AFG2A: variants seen among roughly 807,000 people sequenced by gnomAD.
AFG2A encodes the protein AAA ATPase AFG2A.
chr4:123,248,806 T>C, the AFG2A span, among the ~76,000 whole-genome samples: 1 of 152,220 alleles, frequency 6.6e-6, no homozygotes, highest in Non-Finnish European at 1.5e-5. Flanking sequence ...CATTGTTCCA[T>C]TTATTCAAAG....
chr4:122,946,214 A>T, the AFG2A span, among the ~76,000 whole-genome samples: 6 of 152,366 alleles, frequency 3.9e-5, 1 homozygote, highest in South Asian at 8.3e-4. Context: ...GATGGCAAAT[A>T]TAGAGAGCTG....
At chr4:122,978,895 C>A in the AFG2A span, among the ~76,000 whole-genome samples, 22 of 152,176 alleles carry the variant, frequency 1.4e-4, 1 homozygote, top group Admixed American at 1.4e-3. Flanking sequence ...TGGGGAGAGG[C>A]CAGGCAGTAG....
At chr4:122,934,253 A>C in the AFG2A span, 3 of 1,614,214 alleles carry the variant, frequency 1.9e-6, no homozygotes, top group South Asian at 3.3e-5. Context: ...GCCTTTGAAC[A>C]GTCCAGCATG....
the AFG2A span, among the ~76,000 whole-genome samples, chr4:123,026,620 T>G: frequency 4.6e-5 from 7 of 152,238 alleles, no homozygotes; most frequent in South Asian, 4.1e-4. Context: ...AAATTTGTAC[T>G]GTACTTATGT....
the AFG2A span, chr4:123,314,671 T>C: frequency 6.6e-6 from 1 of 152,114 alleles, no homozygotes; most frequent in Non-Finnish European, 1.5e-5. Flanking sequence ...TTGAGAGATA[T>C]TTTGTATAAT....
At chr4:122,925,176 A>C in the AFG2A span, among the ~76,000 whole-genome samples, 8,131 of 152,176 alleles carry the variant, frequency 0.053, 520 homozygotes, top group African/African-American at 0.16. Context: ...CCACCACTAA[A>C]TCATGTTTAT....
chr4:123,216,113 A>G, the AFG2A span, among the ~76,000 whole-genome samples: 2 of 152,156 alleles, frequency 1.3e-5, no homozygotes, highest in African/African-American at 4.8e-5. Flanking sequence ...CCAGAATTTT[A>G]TATCTCAAGA....
the AFG2A span, among the ~76,000 whole-genome samples, chr4:122,972,876 A>G: frequency 6.6e-6 from 1 of 152,086 alleles, no homozygotes. Flanking sequence ...GTATGCTGGA[A>G]AACAGAGTTA....
At chr4:123,123,628 C>T in the AFG2A span, among the ~76,000 whole-genome samples, 1 of 151,986 alleles carries the variant, frequency 6.6e-6, no homozygotes, top group Non-Finnish European at 1.5e-5. Flanking sequence ...TATCATCTCA[C>T]ACCAGTTAGA....
the AFG2A span, among the ~76,000 whole-genome samples, chr4:123,171,903 T>C: frequency 2.0e-5 from 3 of 152,248 alleles, no homozygotes; most frequent in Middle Eastern, 3.4e-3. Context: ...TTTATTTTCT[T>C]TTTAATTTGG....
At chr4:123,275,385 G>A in the AFG2A span, among the ~76,000 whole-genome samples, 1 of 151,996 alleles carries the variant, frequency 6.6e-6, no homozygotes, top group Non-Finnish European at 1.5e-5. Context: ...TTATGACTTT[G>A]GTCTCTTTGG....
the AFG2A span, among the ~76,000 whole-genome samples, chr4:123,235,267 A>G: frequency 2.0e-5 from 3 of 152,198 alleles, no homozygotes; most frequent in Non-Finnish European, 4.4e-5. Flanking sequence ...ATTCTTTTTA[A>G]TGTACACTTT....
chr4:123,107,652 G>A, the AFG2A span, among the ~76,000 whole-genome samples: 1 of 152,220 alleles, frequency 6.6e-6, no homozygotes, highest in East Asian at 1.9e-4. Context: ...GAGCCTGTCT[G>A]CCTTCTGTCA....
the AFG2A span, among the ~76,000 whole-genome samples, chr4:123,070,142 A>G: frequency 6.6e-6 from 1 of 152,204 alleles, no homozygotes; most frequent in Non-Finnish European, 1.5e-5. Context: ...TGCTCTTTTC[A>G]GCAAATATTT....
chr4:123,089,658 C>G, the AFG2A span, among the ~76,000 whole-genome samples: 1 of 152,064 alleles, frequency 6.6e-6, no homozygotes, highest in Non-Finnish European at 1.5e-5. Flanking sequence ...GATCTCCGCC[C>G]ACTGCAACCT....
At chr4:123,252,152 T>C in the AFG2A span, among the ~76,000 whole-genome samples, 5 of 152,186 alleles carry the variant, frequency 3.3e-5, no homozygotes. Flanking sequence ...AAACCTTTTA[T>C]TTTGTTTCTA....
At chr4:123,205,107 G>A in the AFG2A span, among the ~76,000 whole-genome samples, 1 of 152,050 alleles carries the variant, frequency 6.6e-6, no homozygotes, top group Non-Finnish European at 1.5e-5. Flanking sequence ...ATATGTCAGG[G>A]TATTCTCTTC....
At chr4:123,227,879 G>C in the AFG2A span, among the ~76,000 whole-genome samples, 3 of 151,922 alleles carry the variant, frequency 2.0e-5, no homozygotes, top group Non-Finnish European at 4.4e-5. Context: ...GACTTGCTTT[G>C]TGAATCTGGG....
At chr4:122,996,578 T>TAGATAGATAGAC in the AFG2A span, among the ~76,000 whole-genome samples, 9 of 140,636 alleles carry the variant, frequency 6.4e-5, no homozygotes, top group South Asian at 2.3e-4. Context: ...GGCAGATAGA[T>TAGATAGATAGAC]AGATAGATAG....
Sources: allele counts gnomAD v4.1 joint callset (sites outside exome capture counted in the v4.1 genomes callset), GRCh38; gene constraint gnomAD v4.1.1; transcripts MANE v1.5; gene names NCBI Gene and HGNC (gene_info 2026-07-23, HGNC 2026-07-21).